The following MED27 variants were observed in gnomAD, a reference collection of about 807,000 sequenced individuals.
The protein encoded by MED27 is mediator complex subunit 27.
MED27 carries 30 observed loss-of-function variants against 38.2 expected under a neutral mutation model. That is an observed-to-expected ratio of 0.79 (90% confidence interval 0.59 to 1.07). The LOEUF is 1.07. Among genes scored for constraint, MED27 ranks in the 50% least tolerant of loss-of-function variants. The pLI, the probability that MED27 is intolerant of heterozygous loss-of-function variation, is 0.00. For missense variants in MED27, 289 were observed against 397.5 expected, an observed-to-expected ratio of 0.73 and a Z score of 2.32; for synonymous variants, 122 against 153.5, an observed-to-expected ratio of 0.79 and a Z score of 1.52.
chr9:131,970,921 G>A (rs1831463032), intron 3 of MED27, among the ~76,000 whole-genome samples: 1 of 152,192 alleles, frequency 6.6e-6, no homozygotes, highest in African/African-American at 2.4e-5. Context: ...ACGAATACAG[G>A]CAGAGTATTG....
At chr9:132,063,089 T>C (rs1315450060) in intron 2 of MED27, among the ~76,000 whole-genome samples, 2 of 152,186 alleles carry the variant, frequency 1.3e-5, no homozygotes, top group African/African-American at 4.8e-5. Flanking sequence ...TATTTGCTCA[T>C]TCAGTTAGCA....
chr9:131,986,999 ATTTTTTTTTTTTTT>A lies in MED27; in HGVS notation c.479+27324_479+27337del, dbSNP rs66519112. 4.8e-3 allele frequency among the ~76,000 whole-genome samples: 220 copies of A among 46,266 alleles called. 3 individuals are homozygous for A. Among genetic ancestry groups the A allele is most frequent in the African/African-American group, 0.014 (160 of 11,542 alleles). 30.4% of individuals were successfully genotyped at this position (46,266 alleles called of 152,430 possible). On this transcript the variant is annotated intron_variant, in intron 3 of 7. Transcript: ENST00000292035. The stretch of plus-strand genomic sequence containing the variant: ...CATGGGCCTTTCCTTGAGTTCATGG[ATTTTTTTTTTTTTT>A]TTTTTTTTTTTTTTTTTAGAATACT...
Position 132,077,901 on chromosome 9 carries a change from T to C in MED27, c.204-315A>G, listed in dbSNP as rs570713461. 6.6e-5 allele frequency among the ~76,000 whole-genome samples: 10 copies of C among 152,266 alleles called. No homozygotes were observed. The South Asian group carries it at 2.1e-3, about 32-fold the overall frequency. ...CATCCCTGCAGTGGGGAGGAGACTT[T>C]CTGGAATTTTGAAATGTGGTATAAC... On this transcript the variant is annotated intron_variant, in intron 1 of 7. Transcript: ENST00000292035.
Position 131,863,692 on chromosome 9 carries a change from G to A in MED27, c.724-552C>T, listed in dbSNP as rs551696108. Among the ~76,000 whole-genome samples the A allele has an allele frequency of 6.3e-4, 95 of 149,996 alleles. 1 individual carries two copies. Among genetic ancestry groups the A allele is most frequent in the Non-Finnish European group, 1.2e-3 (81 of 68,024 alleles). On this transcript the variant is annotated intron_variant, in intron 6 of 7. Coordinates refer to ENST00000292035, the MANE Select transcript of MED27 (RefSeq NM_004269.4). Reference sequence around the variant, plus strand: ...ACACAGGATTTATGATGGGGAGCCTGGCAGTTTCTGAGGCTGTTCTGTTGG... The same window carrying A: ...ACACAGGATTTATGATGGGGAGCCTAGCAGTTTCTGAGGCTGTTCTGTTGG...
At chr9:131,932,952 AT>A (rs1830616206) in intron 4 of MED27, among the ~76,000 whole-genome samples, 1 of 152,214 alleles carries the variant, frequency 6.6e-6, no homozygotes, top group Admixed American at 6.5e-5. Flanking sequence ...GGATGTAAAG[AT>A]GGTTCAACAT....
intron 5 of MED27, among the ~76,000 whole-genome samples, chr9:131,890,906 C>T (rs1011872507): frequency 6.6e-6 from 1 of 152,184 alleles, no homozygotes; most frequent in African/African-American, 2.4e-5. Flanking sequence ...GCCTGACCAA[C>T]GTATGTTAGT....
intron 4 of MED27, among the ~76,000 whole-genome samples, chr9:131,920,459 T>C (rs769800823): frequency 2.0e-5 from 3 of 152,214 alleles, no homozygotes; most frequent in Non-Finnish European, 2.9e-5. Flanking sequence ...ACTCAACACC[T>C]ACTATGTGCC....
intron 6 of MED27, among the ~76,000 whole-genome samples, chr9:131,870,660 G>C (rs891901323): frequency 2.0e-5 from 3 of 152,148 alleles, no homozygotes; most frequent in African/African-American, 7.2e-5. Flanking sequence ...CAGGGGTTGT[G>C]GGGGGATGAA....
At chr9:132,024,944 C>T (rs1178205367) in intron 2 of MED27, among the ~76,000 whole-genome samples, 2 of 152,126 alleles carry the variant, frequency 1.3e-5, no homozygotes, top group African/African-American at 4.8e-5. Context: ...AGATCAAAGT[C>T]TCTCTCCAGA....
chr9:131,985,568 C>T (rs938399472), intron 3 of MED27, among the ~76,000 whole-genome samples: 2 of 152,128 alleles, frequency 1.3e-5, no homozygotes, highest in African/African-American at 4.8e-5. Flanking sequence ...AAGCTGGTGT[C>T]AACAAACCTA....
intron 2 of MED27, among the ~76,000 whole-genome samples, chr9:132,070,465 G>A (rs1471057945): frequency 6.6e-6 from 1 of 152,146 alleles, no homozygotes; most frequent in Non-Finnish European, 1.5e-5. Context: ...GCTGATGCAG[G>A]AAGACCTCTT....
intron 5 of MED27, among the ~76,000 whole-genome samples, chr9:131,888,805 C>T (rs1277398074): frequency 6.6e-6 from 1 of 152,176 alleles, no homozygotes; most frequent in Non-Finnish European, 1.5e-5. Flanking sequence ...TGGTCACCCT[C>T]TCAAATCTGC....
At position 131,862,413 on chromosome 9, in the gene MED27, G is replaced by T. The variant is rs1012250718; in HGVS notation, c.801+650C>A. ...TGGCGGCTACGTCTGTCAAGGACGC[G>T]GGGACATGGTGTTAGCCCTGCTTAG... On this transcript the variant is annotated intron_variant, in intron 7 of 7. Coordinates refer to ENST00000292035, the MANE Select transcript of MED27 (RefSeq NM_004269.4). This position sits in a 1 kb window ranked among gnomAD's most constrained non-coding sequence, Gnocchi z 4.6. 6.6e-6 allele frequency among the ~76,000 whole-genome samples: 1 copy of T among 152,188 alleles called. No individual in the cohort carries two copies. The highest frequency in any genetic ancestry group is 1.5e-5 in the Non-Finnish European group (1 of 68,036).
At chr9:132,033,884 T>C (rs561066037) in intron 2 of MED27, among the ~76,000 whole-genome samples, 1 of 152,380 alleles carries the variant, frequency 6.6e-6, no homozygotes, top group African/African-American at 2.4e-5. Context: ...ATTTTGAAAG[T>C]TCAACCATAA....
At chr9:131,940,991 C>T (rs568471741) in intron 3 of MED27, among the ~76,000 whole-genome samples, 4 of 152,308 alleles carry the variant, frequency 2.6e-5, no homozygotes, top group African/African-American at 9.6e-5. Context: ...CTACCACTTA[C>T]ACCATGGGCC....
At chr9:132,024,356 G>A (rs11243598) in intron 2 of MED27, among the ~76,000 whole-genome samples, 18,550 of 152,062 alleles carry the variant, frequency 0.12, 1,272 homozygotes, top group East Asian at 0.26. Context: ...GGAATTTGGC[G>A]GTATAATGTG....
In MED27 at chr9:132,079,835, C is replaced by T. The variant is rs1834137852; in HGVS notation, c.10G>A (p.Val4Met). The T allele has an allele frequency of 1.3e-6, 2 of 1,589,086 alleles. No individual in the cohort carries two copies. The highest frequency in any genetic ancestry group is 2.3e-5 in the East Asian group (1 of 43,584). MAD[V>M]INVSVNLEAF... ...TCCAGGTTCACACTGACATTTATCACGTCCGCCATGTTGCCGCCGCCACAG... is the reference window on the plus strand; with the variant it reads ...TCCAGGTTCACACTGACATTTATCATGTCCGCCATGTTGCCGCCGCCACAG... Residue 4 changes from valine to methionine, a missense_variant, in exon 1 of 8, where the codon GTG becomes ATG. Transcript: ENST00000292035.
At chr9:132,077,796 G>A (rs1284648036) in intron 1 of MED27, among the ~76,000 whole-genome samples, 2 of 151,566 alleles carry the variant, frequency 1.3e-5, no homozygotes, top group African/African-American at 2.4e-5. Flanking sequence ...AGCTTCTGGT[G>A]CCATTCCAAA....
intron 3 of MED27, among the ~76,000 whole-genome samples, chr9:131,941,244 G>A (rs933571018): frequency 2.0e-5 from 3 of 152,186 alleles, no homozygotes; most frequent in East Asian, 3.9e-4. Flanking sequence ...CATTGGCTAC[G>A]ACAAATTAAA....
Sources: allele counts gnomAD v4.1 joint callset (sites outside exome capture counted in the v4.1 genomes callset), GRCh38; gene constraint gnomAD v4.1.1; non-coding constraint Gnocchi (gnomAD v3.1); transcripts MANE v1.5; gene names NCBI Gene and HGNC (gene_info 2026-07-23, HGNC 2026-07-21).